EXOC6: variants seen among roughly 807,000 people sequenced by gnomAD.
EXOC6 encodes the protein exocyst complex component 6.
EXOC6 carries 60 observed loss-of-function variants against 112.5 expected under a neutral mutation model. The observed-to-expected ratio is 0.53, with a 90% CI of 0.43 to 0.66. EXOC6 has a LOEUF of 0.66. EXOC6 is among the 30% of genes least tolerant of loss of function. The probability of loss-of-function intolerance (pLI) is 0.00; values close to 1 mark genes in which losing one functional copy is unlikely to be tolerated. For synonymous variants in EXOC6, 295 were observed against 308.0 expected, an observed-to-expected ratio of 0.96 and a Z score of 0.44; for missense variants, 855 against 957.1, an observed-to-expected ratio of 0.89 and a Z score of 1.41.
intron 5 of EXOC6, chr10:92,901,301 C>T (rs921152675): frequency 3.3e-5 from 5 of 151,848 alleles, no homozygotes; most frequent in African/African-American, 1.2e-4. Context: ...TGCCTTAATC[C>T]GTTATTATAT....
chr10:92,845,968 T>C (rs918932608), upstream of EXOC6, among the ~76,000 whole-genome samples: 7 of 152,212 alleles, frequency 4.6e-5, no homozygotes, highest in South Asian at 4.1e-4. Context: ...ACAAAACAAA[T>C]GTGCAATTAG....
chr10:92,994,893 C>T (rs1433845552), intron 18 of EXOC6, among the ~76,000 whole-genome samples: 1 of 151,614 alleles, frequency 6.6e-6, no homozygotes, highest in Non-Finnish European at 1.5e-5. Context: ...ACATTTCTAT[C>T]TAAAAATATG....
rs1245645943 is a variant in EXOC6, at chr10:92,915,927, T to G, written c.819+14T>G. On this transcript the variant is annotated intron_variant, in intron 7 of 21. Transcript: ENST00000260762. Reference sequence around the variant, plus strand: ...AATGAAGAAGAGGTGATAGGTGTCTTTCTTTCTTTTCTATTATTAGATAAT... The same window carrying G: ...AATGAAGAAGAGGTGATAGGTGTCTGTCTTTCTTTTCTATTATTAGATAAT... 2 of 1,490,672 alleles carry G rather than the reference T, an allele frequency of 1.3e-6. No homozygotes were observed. The highest frequency in any genetic ancestry group is 1.5e-5 in the African/African-American group (1 of 67,622). The allele number at this position is 1,490,672 out of a possible 1,614,324, so 92.3% of individuals were successfully genotyped here.
At chr10:92,844,077 G>C (rs148618700), upstream of EXOC6, among the ~76,000 whole-genome samples, 691 of 150,712 alleles carry the variant, frequency 4.6e-3, 4 homozygotes, top group Non-Finnish European at 8.1e-3. Context: ...CTTGAACTTG[G>C]AGGGCGGAGG....
chr10:92,933,950 C>T (rs1183963370), intron 9 of EXOC6, among the ~76,000 whole-genome samples, 194 bp from the exon 10 acceptor site: 2 of 152,050 alleles, frequency 1.3e-5, no homozygotes, highest in Non-Finnish European at 2.9e-5. Flanking sequence ...ACTTGTTTAT[C>T]TCCTTTCGAA....
At chr10:92,965,315 A>G (rs1262434129) in intron 17 of EXOC6, among the ~76,000 whole-genome samples, 1 of 152,212 alleles carries the variant, frequency 6.6e-6, no homozygotes, top group Non-Finnish European at 1.5e-5. Context: ...TTGCACACCT[A>G]TGGTTGGGAA....
chr10:92,870,126 A>AT (rs547882971), intron 1 of EXOC6, among the ~76,000 whole-genome samples: 3 of 151,310 alleles, frequency 2.0e-5, no homozygotes, highest in South Asian at 4.2e-4. Context: ...TAATTTTTGT[A>AT]TTTTTTTAGT....
chr10:92,845,465 A>C (rs1847011595), upstream of EXOC6, among the ~76,000 whole-genome samples: 1 of 151,410 alleles, frequency 6.6e-6, no homozygotes, highest in Non-Finnish European at 1.5e-5. Context: ...AGGCAGGAGA[A>C]TCGCTTGAAA....
chr10:92,996,941 C>G (rs1843522635), intron 18 of EXOC6, among the ~76,000 whole-genome samples: 1 of 151,922 alleles, frequency 6.6e-6, no homozygotes, highest in Non-Finnish European at 1.5e-5. Context: ...TGAAGCTATG[C>G]TATAGACTAA....
At chr10:92,845,924 G>A (rs1170767871), upstream of EXOC6, among the ~76,000 whole-genome samples, 1 of 152,240 alleles carries the variant, frequency 6.6e-6, no homozygotes, top group Non-Finnish European at 1.5e-5. Context: ...GGTAACAAAA[G>A]CGAAACTCTG....
intron 20 of EXOC6, among the ~76,000 whole-genome samples, chr10:93,040,848 C>T (rs1464020187): frequency 1.3e-5 from 2 of 152,112 alleles, no homozygotes; most frequent in Non-Finnish European, 2.9e-5. Flanking sequence ...CCTTAACATC[C>T]TTCCTCTTTC....
chr10:92,897,547 A>C (rs892524965), intron 4 of EXOC6, among the ~76,000 whole-genome samples: 4 of 152,220 alleles, frequency 2.6e-5, no homozygotes, highest in African/African-American at 9.7e-5. Flanking sequence ...CTCCTGAATA[A>C]GATAGGTACA....
In EXOC6 at chr10:92,848,554, T is replaced by G. The variant is rs746758382; in HGVS notation, c.21T>G (p.Ser7Arg). Residue 7 changes from serine to arginine, a missense_variant, in exon 1 of 22, where the codon AGT becomes AGG. By Grantham distance (110) the Ser-to-Arg change is moderately radical (BLOSUM62 -1). Coordinates refer to ENST00000260762, the MANE Select transcript of EXOC6 (RefSeq NM_019053.6). MAENSE[S>R]LGTVPEHERI... ...CCAAAATGGCGGAGAACAGCGAGAG[T>G]CTGGGCACCGTCCCCGAGCACGAGC... 2.1e-6 allele frequency: 3 copies of G among 1,426,390 alleles called. No individual in the cohort carries two copies. Among genetic ancestry groups the G allele is most frequent in the Non-Finnish European group, 1.9e-6 (2 of 1,070,722 alleles). 88.4% of individuals were successfully genotyped at this position (1,426,390 alleles called of 1,614,324 possible).
chr10:92,969,846 A>G (rs750278402), intron 17 of EXOC6, among the ~76,000 whole-genome samples: 1 of 152,110 alleles, frequency 6.6e-6, no homozygotes, highest in Non-Finnish European at 1.5e-5. Flanking sequence ...GGCGTACACC[A>G]CCACGCCCGG....
At chr10:92,868,673 C>T (rs920024269) in intron 1 of EXOC6, among the ~76,000 whole-genome samples, 1 of 152,116 alleles carries the variant, frequency 6.6e-6, no homozygotes, top group African/African-American at 2.4e-5. Flanking sequence ...TATCCAAGAA[C>T]ATGTTATGTC....
At position 92,848,567 on chromosome 10, in the gene EXOC6, C is replaced by G. The variant is rs1470385976; in HGVS notation, c.34C>G (p.Pro12Ala). Residue 12 changes from proline (P) to alanine (A), a missense_variant, in exon 1 of 22, where the codon CCC (proline) becomes GCC (alanine). Physicochemically the swap from Pro to Ala is conservative, Grantham distance 27. Transcript: ENST00000260762. Reference protein sequence around the residue: ...AENSESLGTVPEHERILQEIE... With the variant: ...AENSESLGTVAEHERILQEIE... ...GAACAGCGAGAGTCTGGGCACCGTC[C>G]CCGAGCACGAGCGGATCTTGCAGGA... is the stretch of plus-strand genomic sequence containing the variant. The G allele has an allele frequency of 6.9e-7, 1 of 1,451,004 alleles. No individual in the cohort carries two copies. The highest frequency in any genetic ancestry group is 2.0e-5 in the Admixed American group (1 of 49,500). The allele number at this position is 1,451,004 out of a possible 1,614,324, so 89.9% of individuals were successfully genotyped here. A position where few individuals can be genotyped will look rare whatever the true frequency, so the allele number is the denominator to read the frequency against.
intron 13 of EXOC6, among the ~76,000 whole-genome samples, chr10:92,945,837 T>G (rs553630007): frequency 6.6e-6 from 1 of 152,344 alleles, no homozygotes; most frequent in Admixed American, 6.5e-5. Context: ...TAGCCCTGCC[T>G]TTTAACGTTT....
intron 1 of EXOC6, among the ~76,000 whole-genome samples, chr10:92,859,017 G>A (rs953775373): frequency 6.6e-6 from 1 of 152,132 alleles, no homozygotes; most frequent in Non-Finnish European, 1.5e-5. Context: ...CACCTGCATC[G>A]GCCTCCCAGA....
At chr10:92,884,056 C>G (rs1021450776) in intron 1 of EXOC6, among the ~76,000 whole-genome samples, 5 of 152,216 alleles carry the variant, frequency 3.3e-5, no homozygotes, top group Non-Finnish European at 5.9e-5. Flanking sequence ...GCTACCACAA[C>G]TGGCTAATTT....
Sources: allele counts gnomAD v4.1 joint callset (sites outside exome capture counted in the v4.1 genomes callset), GRCh38; gene constraint gnomAD v4.1.1; transcripts MANE v1.5; gene names NCBI Gene and HGNC (gene_info 2026-07-23, HGNC 2026-07-21).